Variants in SLC8A1 observed in about 807,000 individuals in gnomAD.
SLC8A1 encodes sodium/calcium exchanger 1.
A neutral mutation model predicts 68.3 loss-of-function variants in SLC8A1; 18 were observed. That is an observed-to-expected ratio of 0.26 (90% CI 0.18 to 0.39). SLC8A1 has a LOEUF of 0.39. Among genes scored for constraint, SLC8A1 ranks in the 10% least tolerant of loss-of-function variants. The pLI is 1.00. For synonymous variants in SLC8A1, 475 were observed against 415.5 expected, an observed-to-expected ratio of 1.14 and a Z score of -1.74; for missense variants, 985 against 1,156.7, an observed-to-expected ratio of 0.85 and a Z score of 2.15.
intron 2 of SLC8A1, among the ~76,000 whole-genome samples, chr2:40,373,635 A>G (rs1421096300): frequency 6.6e-6 from 1 of 152,134 alleles, no homozygotes; most frequent in African/African-American, 2.4e-5. Flanking sequence ...TAATTTACAC[A>G]TAAGGAAATG....
At chr2:40,396,748 T>TAAAAAAAAAAAAAAAAAAAA (rs368483768) in intron 2 of SLC8A1, among the ~76,000 whole-genome samples, 1 of 87,090 alleles carries the variant, frequency 1.1e-5, no homozygotes, top group Admixed American at 1.1e-4. Flanking sequence ...CTCTAATAAC[T>TAAAAAAAAAAAAAAAAAAAA]AAAAAAAAAA....
intron 2 of SLC8A1, among the ~76,000 whole-genome samples, chr2:40,346,201 AG>A (rs1669251876): frequency 6.6e-6 from 1 of 152,002 alleles, no homozygotes. Context: ...CTCTATATTT[AG>A]GGTTGATTTC....
chr2:40,269,389 G>T (rs1574942381), intron 2 of SLC8A1, among the ~76,000 whole-genome samples: 1 of 152,210 alleles, frequency 6.6e-6, no homozygotes, highest in East Asian at 1.9e-4. Context: ...CCACTTCGAA[G>T]AAAATGGATT....
chr2:40,162,192 T>G (rs2045808377), intron 5 of SLC8A1, among the ~76,000 whole-genome samples: 1 of 152,204 alleles, frequency 6.6e-6, no homozygotes. Flanking sequence ...GTGCCCCTGA[T>G]AACAGCTGTA....
intron 2 of SLC8A1, among the ~76,000 whole-genome samples, chr2:40,187,074 G>T (rs980472901): frequency 5.9e-5 from 9 of 152,154 alleles, no homozygotes; most frequent in Non-Finnish European, 1.0e-4. Context: ...AGAGTTGTGG[G>T]TCAGGAAATA....
chr2:40,269,585 A>G (rs1464625723), intron 2 of SLC8A1, among the ~76,000 whole-genome samples: 1 of 152,200 alleles, frequency 6.6e-6, no homozygotes, highest in African/African-American at 2.4e-5. Flanking sequence ...GGAACATTAC[A>G]TGATGAATCT....
intron 2 of SLC8A1, among the ~76,000 whole-genome samples, chr2:40,316,041 A>G (rs1473960282): frequency 6.6e-6 from 1 of 152,102 alleles, no homozygotes; most frequent in Non-Finnish European, 1.5e-5. Flanking sequence ...AAAAAACGTG[A>G]TATGAAAGTC....
At chr2:40,226,578 G>A (rs1184485851) in intron 2 of SLC8A1, among the ~76,000 whole-genome samples, 1 of 152,108 alleles carries the variant, frequency 6.6e-6, no homozygotes, top group South Asian at 2.1e-4. Context: ...TCTGGAAAGG[G>A]TCTAGATTCT....
chr2:40,378,431 C>G (rs1244935579), intron 2 of SLC8A1, among the ~76,000 whole-genome samples: 1 of 152,026 alleles, frequency 6.6e-6, no homozygotes, highest in Non-Finnish European at 1.5e-5. Flanking sequence ...GAAGGAAGCC[C>G]AGATGGCTGA....
chr2:40,348,419 C>A (rs939427720), intron 2 of SLC8A1, among the ~76,000 whole-genome samples: 3 of 152,206 alleles, frequency 2.0e-5, no homozygotes, highest in Admixed American at 1.3e-4. Context: ...AACCTATCTA[C>A]CGTTTCAGAC....
chr2:40,358,469 T>G (rs1448771886), intron 2 of SLC8A1, among the ~76,000 whole-genome samples: 2 of 152,226 alleles, frequency 1.3e-5, no homozygotes, highest in Non-Finnish European at 2.9e-5. Flanking sequence ...ATTTTGTTTT[T>G]TAGTTCATTG....
chr2:40,160,155 A>G (rs796565812), intron 6 of SLC8A1, among the ~76,000 whole-genome samples: 9 of 152,324 alleles, frequency 5.9e-5, no homozygotes, highest in African/African-American at 1.9e-4. Context: ...CAGGAAGAGC[A>G]CACCTCTCTC....
At chr2:40,335,217 T>C (rs1178038714) in intron 2 of SLC8A1, among the ~76,000 whole-genome samples, 10 of 152,234 alleles carry the variant, frequency 6.6e-5, no homozygotes, top group Non-Finnish European at 2.9e-5. Flanking sequence ...TTCTTTTCTA[T>C]CATTTTAGAA....
intron 2 of SLC8A1, among the ~76,000 whole-genome samples, chr2:40,280,061 G>A (rs2067290232): frequency 6.6e-6 from 1 of 151,984 alleles, no homozygotes; most frequent in South Asian, 2.1e-4. Context: ...ACCATATTAA[G>A]GAGTTAGTGA....
intron 3 of SLC8A1, among the ~76,000 whole-genome samples, chr2:40,176,732 C>T (rs1008396948): frequency 2.6e-5 from 4 of 152,150 alleles, no homozygotes; most frequent in African/African-American, 9.7e-5. Context: ...TTTCCCTCTA[C>T]TTGTAAAAGC....
intron 1 of SLC8A1, among the ~76,000 whole-genome samples, chr2:40,511,939 C>T (rs1326896650): frequency 2.4e-4 from 37 of 152,112 alleles, no homozygotes; most frequent in Admixed American, 2.4e-3. Flanking sequence ...CGAGTTTTTG[C>T]TGGCTTGAGA....
intron 2 of SLC8A1, among the ~76,000 whole-genome samples, chr2:40,367,925 A>T (rs1288710705): frequency 6.6e-6 from 1 of 152,056 alleles, no homozygotes; most frequent in African/African-American, 2.4e-5. Flanking sequence ...TTTACAGGAC[A>T]CTTGGTATTT....
intron 2 of SLC8A1, among the ~76,000 whole-genome samples, chr2:40,338,880 A>G (rs1329678619): frequency 6.7e-6 from 1 of 149,164 alleles, no homozygotes; most frequent in Non-Finnish European, 1.5e-5. Context: ...TGTATCTTAT[A>G]TGAGAACAAC....
chr2:40,140,103 G>T (rs768436050), intron 6 of SLC8A1, among the ~76,000 whole-genome samples: 3 of 152,140 alleles, frequency 2.0e-5, no homozygotes, highest in Non-Finnish European at 4.4e-5. Context: ...GCAACTTGAA[G>T]TCCAACTCTG....
Sources: gnomAD v4.1 joint callset for allele counts (sites outside exome capture counted in the v4.1 genomes callset) on GRCh38, gnomAD v4.1.1 for gene constraint, MANE v1.5 for transcripts, NCBI Gene and HGNC (gene_info 2026-07-23, HGNC 2026-07-21) for gene names.